The following NF1 variants were observed in gnomAD, a reference collection of about 807,000 sequenced individuals.
NF1 encodes the protein neurofibromin 1, also known as neurofibromin.
Under a neutral mutation model 325.7 loss-of-function variants are expected in NF1, and 122 were observed. That is an observed-to-expected ratio of 0.37 (90% CI 0.32 to 0.44). The LOEUF is 0.44. Ranked by LOEUF, NF1 falls within the 20% of genes least tolerant of loss-of-function variation. The pLI is 1.00. For missense variants in NF1, 2,140 were observed against 3,415.4 expected (o/e 0.63, Z 9.31); for synonymous variants, 1,091 against 1,186.0 (o/e 0.92, Z 1.65).
At chr17:31,134,385 A>G (rs1473568427) in intron 1 of NF1, among the ~76,000 whole-genome samples, 6 of 152,224 alleles carry the variant, frequency 3.9e-5, no homozygotes, top group South Asian at 2.1e-4. Context: ...GTTTCATATG[A>G]ATATGAAACA....
In NF1 at chr17:31,327,666, C is replaced by A. The variant is rs864622640; in HGVS notation, c.5436C>A (p.Phe1812Leu). 1 of 1,614,196 alleles carries A rather than the reference C, an allele frequency of 6.2e-7. No individual in the cohort carries two copies. Among genetic ancestry groups the A allele is most frequent in the Non-Finnish European group, 8.5e-7 (1 of 1,180,042 alleles). Residue 1812 changes from phenylalanine to leucine, a missense_variant, in exon 38 of 58, where the codon TTC becomes TTA. Physicochemically the swap from Phe to Leu is conservative, Grantham distance 22. Coordinates refer to ENST00000358273, the MANE Select transcript of NF1 (RefSeq NM_001042492.3). Reference protein sequence around the residue: ...TIANQGTPLTFMHQECEAIVQ... With the variant: ...TIANQGTPLTLMHQECEAIVQ... Reference sequence around the variant, plus strand: ...CAAACCAGGGCACGCCGCTCACCTTCATGCACCAGGAGTGTGAAGCCATTG... The same window carrying A: ...CAAACCAGGGCACGCCGCTCACCTTAATGCACCAGGAGTGTGAAGCCATTG...
At chr17:31,277,412 A>G (rs183280661) in intron 36 of NF1, among the ~76,000 whole-genome samples, 87 of 152,310 alleles carry the variant, frequency 5.7e-4, no homozygotes, top group African/African-American at 2.0e-3. Context: ...AGAAAGCATG[A>G]TTTAAGAGAA....
intron 1 of NF1, among the ~76,000 whole-genome samples, chr17:31,143,303 A>C (rs184767806): frequency 6.6e-5 from 10 of 151,948 alleles, no homozygotes; most frequent in Non-Finnish European, 1.2e-4. Context: ...GTCTTGTTCT[A>C]TCACCCAAGC....
chr17:31,305,655 GA>G (rs1269838748), intron 36 of NF1: 2 of 1,561,246 alleles, frequency 1.3e-6, no homozygotes, highest in Non-Finnish European at 1.7e-6. Flanking sequence ...TAATGAAAGA[GA>G]AAGACAGTTA....
At chr17:31,182,899 G>A in intron 8 of NF1, 3 of 601,240 alleles carry the variant, frequency 5.0e-6, no homozygotes, top group Non-Finnish European at 8.8e-6. Flanking sequence ...TAATCCCTTA[G>A]TTTCATTCTT....
intron 55 of NF1, 115 bp from the exon 56 acceptor site, chr17:31,358,854 A>G (rs771891377): frequency 5.1e-5 from 57 of 1,117,136 alleles, no homozygotes; most frequent in Non-Finnish European, 6.9e-5. Flanking sequence ...TTCTAAAAAC[A>G]TGTTTTCAAC....
intron 31 of NF1, 21 bp downstream of exon 31, chr17:31,253,021 A>G (rs2067521616): frequency 1.3e-6 from 2 of 1,590,510 alleles, no homozygotes; most frequent in South Asian, 1.1e-5. Flanking sequence ...AGAACTTTTT[A>G]TTAGCTGTTT....
chr17:31,293,978 C>G (rs1343767431), intron 36 of NF1, among the ~76,000 whole-genome samples: 1 of 152,176 alleles, frequency 6.6e-6, no homozygotes, highest in Non-Finnish European at 1.5e-5. Context: ...CATGCCTAGC[C>G]TTAGTCCTCA....
intron 2 of NF1, among the ~76,000 whole-genome samples, chr17:31,158,483 C>G (rs1597629063): frequency 6.6e-6 from 1 of 152,166 alleles, no homozygotes; most frequent in Non-Finnish European, 1.5e-5. Flanking sequence ...ATTTGGGACC[C>G]TCTTTTCAAA....
At chr17:31,137,992 ATT>A (rs1915899729) in intron 1 of NF1, 1 of 151,184 alleles carries the variant, frequency 6.6e-6, no homozygotes, top group African/African-American at 2.4e-5. Flanking sequence ...ATTTTTTTTT[ATT>A]TGTCCTTGCT....
chr17:31,183,291 T>A (rs2066171892), intron 8 of NF1: 1 of 157,708 alleles, frequency 6.3e-6, no homozygotes, highest in African/African-American at 2.4e-5. Context: ...TTGCAAATAT[T>A]TTTTTTTTCA....
At chr17:31,267,152 A>C (rs2067805371) in intron 36 of NF1, among the ~76,000 whole-genome samples, 1 of 151,964 alleles carries the variant, frequency 6.6e-6, no homozygotes, top group South Asian at 2.1e-4. Flanking sequence ...GCTGGTCTTG[A>C]ACTCCTGACC....
chr17:31,203,756 G>A (rs2033891108), intron 11 of NF1, among the ~76,000 whole-genome samples: 1 of 151,820 alleles, frequency 6.6e-6, no homozygotes, highest in Non-Finnish European at 1.5e-5. Context: ...TTCTCCCATG[G>A]TTCTTTAGCC....
chr17:31,110,877 A>G (rs973992197), intron 1 of NF1, among the ~76,000 whole-genome samples: 5 of 152,040 alleles, frequency 3.3e-5, no homozygotes, highest in African/African-American at 1.2e-4. Context: ...CCTCCCCCTC[A>G]TTCTTTACTG....
At chr17:31,331,493 CTT>C (rs1474835687) in intron 39 of NF1, 4 of 151,968 alleles carry the variant, frequency 2.6e-5, no homozygotes, top group African/African-American at 9.7e-5. Flanking sequence ...AGGAAAGAGA[CTT>C]GAGACTTAAT....
chr17:31,138,179 A>AT (rs1246490082), intron 1 of NF1: 1 of 151,480 alleles, frequency 6.6e-6, no homozygotes, highest in Non-Finnish European at 1.5e-5. Context: ...AATGTTTTAC[A>AT]TTTTTTTCTT....
chr17:31,250,023 A>G, intron 30 of NF1: 1 of 498,848 alleles, frequency 2.0e-6, no homozygotes, highest in East Asian at 4.6e-5. Context: ...AGCATCATTG[A>G]AATCACCATT....
chr17:31,289,470 T>G (rs1480266260), intron 36 of NF1, among the ~76,000 whole-genome samples: 1 of 152,196 alleles, frequency 6.6e-6, no homozygotes, highest in Non-Finnish European at 1.5e-5. Flanking sequence ...TTTTCTTAGA[T>G]CTCTTGGCTA....
intron 1 of NF1, among the ~76,000 whole-genome samples, chr17:31,141,116 A>G (rs1916181399): frequency 6.6e-6 from 1 of 152,326 alleles, no homozygotes; most frequent in East Asian, 1.9e-4. Context: ...ACACACACAT[A>G]GTAACTATGA....
Sources: gnomAD v4.1 joint callset for allele counts (sites outside exome capture counted in the v4.1 genomes callset) on GRCh38, gnomAD v4.1.1 for gene constraint, MANE v1.5 for transcripts, NCBI Gene and HGNC (gene_info 2026-07-23, HGNC 2026-07-21) for gene names.